The following MKX variants were observed in gnomAD, a reference collection of about 807,000 sequenced individuals.
MKX encodes mohawk homeobox.
In MKX, 13 loss-of-function variants were observed where a neutral mutation model predicts 36.0. The observed-to-expected ratio is 0.36, with a 90% CI of 0.24 to 0.57. The LOEUF is 0.57. Ranked by LOEUF, MKX falls within the 20% of genes least tolerant of loss-of-function variation. The probability of loss-of-function intolerance (pLI) is 0.79; values close to 1 mark genes in which losing one functional copy is unlikely to be tolerated. For missense variants in MKX, 458 were observed against 456.4 expected (o/e 1.00, Z -0.03); for synonymous variants, 176 against 178.3 (o/e 0.99, Z 0.10).
At chr10:27,679,077 A>G (rs1182024374) in intron 5 of MKX, among the ~76,000 whole-genome samples, 1 of 152,076 alleles carries the variant, frequency 6.6e-6, no homozygotes, top group African/African-American at 2.4e-5. Flanking sequence ...TTCCTCTCCA[A>G]TAACAGAAAA....
At chr10:27,714,293 G>A (rs1458206497) in intron 5 of MKX, among the ~76,000 whole-genome samples, 1 of 152,098 alleles carries the variant, frequency 6.6e-6, no homozygotes, top group Admixed American at 6.5e-5. Flanking sequence ...GTTTTAAAAT[G>A]TTCCATGTTA....
chr10:27,723,829 A>G (rs1834430123), intron 5 of MKX, among the ~76,000 whole-genome samples: 1 of 152,186 alleles, frequency 6.6e-6, no homozygotes, highest in Non-Finnish European at 1.5e-5. Flanking sequence ...TTGGCAGAAC[A>G]GGGCATTCTT....
At chr10:27,712,627 A>T (rs1006860928) in intron 5 of MKX, among the ~76,000 whole-genome samples, 1 of 152,214 alleles carries the variant, frequency 6.6e-6, no homozygotes, top group Non-Finnish European at 1.5e-5. Context: ...TAAAGAATGA[A>T]GACAAGTAGT....
intron 5 of MKX, among the ~76,000 whole-genome samples, chr10:27,711,461 T>TTCTC (rs1238641795): frequency 1.0e-4 from 1 of 9,594 alleles, no homozygotes; most frequent in African/African-American, 2.8e-4. Flanking sequence ...CTTTCTTTCT[T>TTCTC]TCTTTCTTTC....
At chr10:27,694,128 A>G (rs1486432536) in intron 5 of MKX, among the ~76,000 whole-genome samples, 1 of 152,082 alleles carries the variant, frequency 6.6e-6, no homozygotes, top group Admixed American at 6.5e-5. Flanking sequence ...TTGATAAATC[A>G]CCCAGTCTTG....
chr10:27,741,623 T>C lies in MKX; in HGVS notation c.189-119A>G. On this transcript the variant is annotated intron_variant, in intron 2 of 6. Coordinates refer to ENST00000419761, the MANE Select transcript of MKX (RefSeq NM_173576.3). This position sits in a 1 kb window ranked among gnomAD's most constrained non-coding sequence, Gnocchi z 5.1. ...ACTGCGCATTCCTGCCTTGCGCCCC[T>C]GCTTTGCGCGCGCCCAGAGTGTTTG... The C allele has an allele frequency of 8.4e-7, 1 of 1,196,858 alleles. No individual in the cohort carries two copies. The highest frequency in any genetic ancestry group is 1.1e-6 in the Non-Finnish European group (1 of 886,602). The allele number at this position is 1,196,858 out of a possible 1,614,324, so 74.1% of individuals were successfully genotyped here.
chr10:27,677,883 G>A (rs145187444), intron 5 of MKX, among the ~76,000 whole-genome samples: 13 of 152,304 alleles, frequency 8.5e-5, no homozygotes, highest in African/African-American at 2.6e-4. Context: ...CAGTTAGATC[G>A]TTACCTTCTG....
At position 27,711,499 on chromosome 10, in the gene MKX, T is replaced by TCTCTCCCTTCCTTCCTTCCTTCCTTCC. The variant is rs1554772224; in HGVS notation, c.838+22956_838+22957insGGAAGGAAGGAAGGAAGGAAGGGAGAG. Reference sequence around the variant, plus strand: ...TCTTTCTTTCTCTCTCTCTCTCTTCTTTCCTTCCTTCCTTCCTTCCTTCCT... The same window carrying TCTCTCCCTTCCTTCCTTCCTTCCTTCC: ...TCTTTCTTTCTCTCTCTCTCTCTTCTCTCTCCCTTCCTTCCTTCCTTCCTTCCTTCCTTCCTTCCTTCCTTCCTTCCT... On this transcript the variant is annotated intron_variant, in intron 5 of 6. Transcript: ENST00000419761. 4.3e-4 allele frequency among the ~76,000 whole-genome samples: 40 copies of TCTCTCCCTTCCTTCCTTCCTTCCTTCC among 93,056 alleles called. 1 individual carries two copies. Among genetic ancestry groups the TCTCTCCCTTCCTTCCTTCCTTCCTTCC allele is most frequent in the African/African-American group, 1.9e-3 (37 of 19,298 alleles). 61.0% of individuals were successfully genotyped at this position (93,056 alleles called of 152,430 possible). A position where few individuals can be genotyped will look rare whatever the true frequency, so the allele number is the denominator to read the frequency against.
At chr10:27,690,290 G>A (rs1436752006) in intron 5 of MKX, among the ~76,000 whole-genome samples, 2 of 52,316 alleles carry the variant, frequency 3.8e-5, no homozygotes, top group Non-Finnish European at 8.7e-5. Flanking sequence ...AGATTCATTT[G>A]AGCCCGGAGG....
intron 5 of MKX, among the ~76,000 whole-genome samples, chr10:27,717,137 G>C (rs1836980477): frequency 6.6e-6 from 1 of 152,080 alleles, no homozygotes; most frequent in African/African-American, 2.4e-5. Context: ...TAGCCACAGG[G>C]AAATGAGCTG....
chr10:27,729,292 CTT>C (rs57352901), intron 5 of MKX, among the ~76,000 whole-genome samples: 5 of 118,060 alleles, frequency 4.2e-5, no homozygotes, highest in South Asian at 2.7e-4. Context: ...TGCACTAGGC[CTT>C]TTTTTTTTTT....
intron 5 of MKX, among the ~76,000 whole-genome samples, chr10:27,711,638 C>T (rs569905024): frequency 2.6e-5 from 4 of 151,082 alleles, no homozygotes; most frequent in South Asian, 2.1e-4. Context: ...GTCGCACAGT[C>T]ATAGCTTACT....
intron 5 of MKX, among the ~76,000 whole-genome samples, chr10:27,701,708 GTA>G (rs1402447207): frequency 1.4e-5 from 2 of 139,324 alleles, no homozygotes; most frequent in Non-Finnish European, 1.5e-5. Flanking sequence ...TATTTATATT[GTA>G]TATGACATAT....
intron 5 of MKX, among the ~76,000 whole-genome samples, chr10:27,690,139 G>A (rs1037426612): frequency 2.3e-4 from 35 of 152,282 alleles, no homozygotes; most frequent in East Asian, 1.9e-3. Flanking sequence ...TTGGGAGGCC[G>A]AGGCCAGCAG....
intron 5 of MKX, among the ~76,000 whole-genome samples, chr10:27,729,255 A>C (rs1276455769): frequency 1.3e-5 from 2 of 150,558 alleles, no homozygotes; most frequent in Non-Finnish European, 2.9e-5. Flanking sequence ...TGACAGAGCC[A>C]TGGGGCTCAT....
intron 5 of MKX, among the ~76,000 whole-genome samples, chr10:27,711,455 CTTTCTTTCTTTCTTTCTT>C (rs1195414638): frequency 0.12 from 1,644 of 14,272 alleles, 104 homozygotes; most frequent in South Asian, 0.43. Flanking sequence ...TTCTTTCTTT[CTTTCTTTCTTTCTTTCTT>C]TCTTTCTTTC....
intron 5 of MKX, among the ~76,000 whole-genome samples, chr10:27,695,202 T>C (rs1836532225): frequency 6.6e-6 from 1 of 152,144 alleles, no homozygotes; most frequent in South Asian, 2.1e-4. Context: ...CTGCATTACA[T>C]GTGGTTTGCA....
chr10:27,679,454 T>C (rs2815554), intron 5 of MKX, among the ~76,000 whole-genome samples: 45,963 of 152,016 alleles, frequency 0.3, 8,595 homozygotes, highest in Non-Finnish European at 0.43. Flanking sequence ...AATGAATTGA[T>C]GTTAGAAGGG....
chr10:27,703,638 C>T (rs565305344), intron 5 of MKX, among the ~76,000 whole-genome samples: 1 of 152,052 alleles, frequency 6.6e-6, no homozygotes, highest in Non-Finnish European at 1.5e-5. Flanking sequence ...GTGGCTCATA[C>T]CTGTAATCCC....
Sources: allele counts gnomAD v4.1 joint callset (sites outside exome capture counted in the v4.1 genomes callset), GRCh38; gene constraint gnomAD v4.1.1; non-coding constraint Gnocchi (gnomAD v3.1); transcripts MANE v1.5; gene names NCBI Gene and HGNC (gene_info 2026-07-23, HGNC 2026-07-21).